ZNF595: variants seen among roughly 807,000 people sequenced by gnomAD.
ZNF595 encodes the protein zinc finger protein 595.
Under a neutral mutation model 19.4 loss-of-function variants are expected in ZNF595, and 9 were observed. That is an observed-to-expected ratio of 0.46 (90% CI 0.28 to 0.81). The LOEUF is 0.81. Ranked by LOEUF, ZNF595 falls within the 30% of genes least tolerant of loss-of-function variation. The probability of loss-of-function intolerance (pLI) is 0.11; values close to 1 mark genes in which losing one functional copy is unlikely to be tolerated. For synonymous variants in ZNF595, 255 were observed against 255.9 expected (o/e 1.00, Z 0.03); for missense variants, 729 against 736.0 (o/e 0.99, Z 0.11).
chr4:85,718 T>G lies in ZNF595; in HGVS notation c.227-13T>G. On this transcript the variant is annotated splice_polypyrimidine_tract_variant and intron_variant, in intron 3 of 3. Coordinates refer to ENST00000610261, the MANE Select transcript of ZNF595 (RefSeq NM_182524.4). ...TAGTAAGTGGGATAATTTGTTATTT[T>G]TATTTCTTTCAGCTATATGTTCTCC... is the stretch of plus-strand genomic sequence containing the variant. The G allele has an allele frequency of 6.5e-7, 1 of 1,533,002 alleles. No individual in the cohort carries two copies. The highest frequency in any genetic ancestry group is 8.7e-7 in the Non-Finnish European group (1 of 1,143,452). The allele number at this position is 1,533,002 out of a possible 1,614,324, so 95.0% of individuals were successfully genotyped here.
chr4:86,739 C>T lies in ZNF595; in HGVS notation c.1235C>T (p.Ala412Val). The T allele has an allele frequency of 6.2e-7, 1 of 1,604,810 alleles. No individual in the cohort carries two copies. ...GKAFYRSSHL[A>V]KHKRIHTGEK... ...GCTTTTTATAGGTCCTCACACCTTG[C>T]TAAACATAAGAGAATTCATACTGGA... Residue 412 changes from alanine (A) to valine (V), a missense_variant, in exon 4 of 4, where the codon GCT (alanine) becomes GTT (valine). Coordinates refer to ENST00000610261, the MANE Select transcript of ZNF595 (RefSeq NM_182524.4).
chr4:66,999 G>A (rs1173803727), intron 3 of ZNF595, among the ~76,000 whole-genome samples: 22 of 143,624 alleles, frequency 1.5e-4, no homozygotes, highest in African/African-American at 4.6e-4. Flanking sequence ...TTAGGCTTAC[G>A]TTGAATTTGA....
Position 87,629 on chromosome 4 carries a change from A to G in ZNF595, c.*178A>G. ...TGGATTATTTTGATACAGGCATATG[A>G]CATGTAATTATCACATCAGAGTAAA... is the stretch of plus-strand genomic sequence containing the variant. On this transcript the variant is annotated 3_prime_UTR_variant, in exon 4 of 4. Transcript: ENST00000610261. 2.0e-6 allele frequency: 1 copy of G among 492,080 alleles called. No individual in the cohort carries two copies. The highest frequency in any genetic ancestry group is 3.4e-6 in the Non-Finnish European group (1 of 292,102). 30.5% of individuals were successfully genotyped at this position (492,080 alleles called of 1,614,324 possible). A position where few individuals can be genotyped will look rare whatever the true frequency, so the allele number is the denominator to read the frequency against.
At position 87,168 on chromosome 4, in the gene ZNF595, A is replaced by T; in HGVS notation, c.1664A>T (p.Lys555Met). The T allele has an allele frequency of 6.2e-7, 1 of 1,614,102 alleles. No individual in the cohort carries two copies. The highest frequency in any genetic ancestry group is 8.5e-7 in the Non-Finnish European group (1 of 1,179,942). Residue 555 changes from lysine (K) to methionine (M), a missense_variant, in exon 4 of 4, where the codon AAG (lysine) becomes ATG (methionine). By Grantham distance (95) the Lys-to-Met change is moderately conservative. Transcript: ENST00000610261. Reference sequence around the variant, plus strand: ...CGGTCCACAGCCCTGAATGAACATAAGAAAATTCATTCTGGAGAGAAACCC... The same window carrying T: ...CGGTCCACAGCCCTGAATGAACATATGAAAATTCATTCTGGAGAGAAACCC... ...FTRSTALNEH[K>M]KIHSGEKPYK...
intron 3 of ZNF595, among the ~76,000 whole-genome samples, chr4:73,377 A>T (rs1713509878): frequency 6.6e-6 from 1 of 152,204 alleles, no homozygotes; most frequent in Non-Finnish European, 1.5e-5. Context: ...CTCAGACTGA[A>T]GGTGGAGCAG....
intron 3 of ZNF595, among the ~76,000 whole-genome samples, chr4:78,312 G>A (rs1713761296): frequency 6.6e-6 from 1 of 152,094 alleles, no homozygotes; most frequent in African/African-American, 2.4e-5. Context: ...CCGACCTTTT[G>A]TTTTAATCTT....
In ZNF595 at chr4:86,137, G is replaced by C. The variant is rs782616166; in HGVS notation, c.633G>C (p.Arg211Ser). 1 of 1,613,380 alleles carries C rather than the reference G, an allele frequency of 6.2e-7. No individual in the cohort carries two copies. Among genetic ancestry groups the C allele is most frequent in the Non-Finnish European group, 8.5e-7 (1 of 1,179,662 alleles). ...KCEKCGKAFNRSTSLSKHKRI... is the reference protein window; with the variant it reads ...KCEKCGKAFNSSTSLSKHKRI... ...AAAAATGTGGCAAAGCCTTTAATAG[G>C]TCCACATCACTTAGTAAACATAAGA... Residue 211 changes from arginine to serine, a missense_variant, in exon 4 of 4, where the codon AGG becomes AGC. Coordinates refer to ENST00000610261, the MANE Select transcript of ZNF595 (RefSeq NM_182524.4).
intron 3 of ZNF595, among the ~76,000 whole-genome samples, chr4:78,844 C>T (rs2108759003): frequency 6.6e-6 from 1 of 152,286 alleles, no homozygotes; most frequent in Admixed American, 6.5e-5. Context: ...CAGGAATGCA[C>T]CACCATGCCC....
intron 3 of ZNF595, among the ~76,000 whole-genome samples, chr4:71,859 G>A (rs1553797918): frequency 6.6e-6 from 1 of 152,032 alleles, no homozygotes; most frequent in African/African-American, 2.4e-5. Context: ...GGGGAAAAAA[G>A]TATCCCCAAC....
intron 3 of ZNF595, among the ~76,000 whole-genome samples, chr4:67,245 G>A (rs1581333658): frequency 6.6e-6 from 1 of 152,108 alleles, no homozygotes; most frequent in East Asian, 1.9e-4. Flanking sequence ...AAACCTCCAT[G>A]ACAGAAGTTT....
intron 3 of ZNF595, among the ~76,000 whole-genome samples, chr4:75,840 GACTT>G (rs1270917840): frequency 6.7e-6 from 1 of 149,840 alleles, no homozygotes; most frequent in African/African-American, 2.4e-5. Flanking sequence ...ATTTCCAAGA[GACTT>G]ACATAAAACA....
chr4:61,640 TA>T (rs1581323839), intron 3 of ZNF595, among the ~76,000 whole-genome samples: 1 of 152,236 alleles, frequency 6.6e-6, no homozygotes, highest in Admixed American at 6.6e-5. Flanking sequence ...CACATACACA[TA>T]CCTATATGAG....
chr4:60,943 C>T (rs1451120743), intron 3 of ZNF595, among the ~76,000 whole-genome samples: 7,247 of 131,302 alleles, frequency 0.055, no homozygotes, highest in African/African-American at 0.26. Context: ...CTTCCCTGGG[C>T]CACATTGGAA....
intron 3 of ZNF595, among the ~76,000 whole-genome samples, chr4:74,699 G>A (rs116711850): frequency 0.017 from 2,562 of 152,294 alleles, 77 homozygotes; most frequent in African/African-American, 0.058. Context: ...GACTGGAAGT[G>A]AGGAGGGGGC....
In ZNF595 at chr4:86,724, G is replaced by A. The variant is rs1326017287; in HGVS notation, c.1220G>A (p.Arg407Lys). 13 of 1,612,098 alleles carry A rather than the reference G, an allele frequency of 8.1e-6. No individual in the cohort carries two copies. Among genetic ancestry groups the A allele is most frequent in the Non-Finnish European group, 1.1e-5 (13 of 1,179,516 alleles). ...TCEECGKAFY[R>K]SSHLAKHKRI... ...GAAGAATGTGGCAAAGCTTTTTATAGGTCCTCACACCTTGCTAAACATAAG... is the reference window on the plus strand; with the variant it reads ...GAAGAATGTGGCAAAGCTTTTTATAAGTCCTCACACCTTGCTAAACATAAG... The change falls in exon 4 of 4, where the codon AGG becomes AAG. Residue 407 changes from arginine to lysine, a missense_variant. Physicochemically the swap from Arg to Lys is conservative, Grantham distance 26. Transcript: ENST00000610261.
chr4:77,332 A>T (rs1350032374), intron 3 of ZNF595, among the ~76,000 whole-genome samples: 3 of 152,032 alleles, frequency 2.0e-5, no homozygotes, highest in Non-Finnish European at 1.5e-5. Flanking sequence ...CAAAAAAAAA[A>T]ATTAGTATTT....
At chr4:84,281 T>C (rs1714044246) in intron 3 of ZNF595, among the ~76,000 whole-genome samples, 1 of 152,176 alleles carries the variant, frequency 6.6e-6, no homozygotes, top group African/African-American at 2.4e-5. Context: ...TTTGTATATG[T>C]TCATGTCTTT....
chr4:71,673 CTCT>C (rs1293508138), intron 3 of ZNF595, among the ~76,000 whole-genome samples: 9 of 152,292 alleles, frequency 5.9e-5, no homozygotes, highest in East Asian at 5.8e-4. Context: ...TGCTAAAGCA[CTCT>C]TCTTGTTTAC....
intron 3 of ZNF595, among the ~76,000 whole-genome samples, chr4:74,061 A>T (rs1308257891): frequency 6.6e-6 from 1 of 152,138 alleles, no homozygotes; most frequent in African/African-American, 2.4e-5. Flanking sequence ...TAATCCTAAT[A>T]CTTTGGGAGG....
Sources: allele counts gnomAD v4.1 joint callset (sites outside exome capture counted in the v4.1 genomes callset), GRCh38; gene constraint gnomAD v4.1.1; transcripts MANE v1.5; gene names NCBI Gene and HGNC (gene_info 2026-07-23, HGNC 2026-07-21).